TMEFF1: variants seen among roughly 807,000 people sequenced by gnomAD.
The protein encoded by TMEFF1 is transmembrane protein with EGF like and two follistatin like domains 1, also known as tomoregulin-1.
TMEFF1 carries 20 observed loss-of-function variants against 47.5 expected under a neutral mutation model. The observed-to-expected ratio is 0.42, with a 90% CI of 0.30 to 0.61. TMEFF1 has a LOEUF of 0.61. Among genes scored for constraint, TMEFF1 ranks in the 20% least tolerant of loss-of-function variants. The probability of loss-of-function intolerance (pLI) is 0.19; values close to 1 mark genes in which losing one functional copy is unlikely to be tolerated. For missense variants in TMEFF1, 411 were observed against 471.1 expected, an observed-to-expected ratio of 0.87 and a Z score of 1.18; for synonymous variants, 162 against 166.3, an observed-to-expected ratio of 0.97 and a Z score of 0.20.
intron 9 of TMEFF1, among the ~76,000 whole-genome samples, chr9:100,576,177 G>T (rs1839349214): frequency 1.3e-5 from 2 of 152,170 alleles, no homozygotes; most frequent in Non-Finnish European, 2.9e-5. Flanking sequence ...CATGTTATCA[G>T]TCACTGTGAC....
chr9:100,473,829 A>G lies in TMEFF1; in HGVS notation c.196+89A>G. The G allele has an allele frequency of 7.4e-7, 1 of 1,357,316 alleles. No homozygotes were observed. The highest frequency in any genetic ancestry group is 9.5e-7 in the Non-Finnish European group (1 of 1,048,338). 84.1% of individuals were successfully genotyped at this position (1,357,316 alleles called of 1,614,324 possible). A position where few individuals can be genotyped will look rare whatever the true frequency, so the allele number is the denominator to read the frequency against. On this transcript the variant is annotated intron_variant, in intron 1 of 9. Coordinates refer to ENST00000374879, the MANE Select transcript of TMEFF1 (RefSeq NM_003692.5). This position sits in a 1 kb window ranked among gnomAD's most constrained non-coding sequence, Gnocchi z 5.4. ...CCTGCGGTCGGCCGGGCTGGGAAAG[A>G]CCCCGTCGTGGGGGTCCCAGGGGTG...
chr9:100,485,438 A>G (rs1837430724), intron 1 of TMEFF1, among the ~76,000 whole-genome samples: 1 of 152,232 alleles, frequency 6.6e-6, no homozygotes, highest in Non-Finnish European at 1.5e-5. Context: ...TTGCCAAACT[A>G]TTGTAAATGG....
chr9:100,547,146 G>T (rs1336902455), intron 5 of TMEFF1, among the ~76,000 whole-genome samples: 1 of 152,032 alleles, frequency 6.6e-6, no homozygotes, highest in African/African-American at 2.4e-5. Context: ...CTTCCAAGTA[G>T]TGGAGACCAC....
chr9:100,540,085 G>C (rs1201587464), intron 5 of TMEFF1, among the ~76,000 whole-genome samples: 1 of 152,084 alleles, frequency 6.6e-6, no homozygotes, highest in Non-Finnish European at 1.5e-5. Context: ...CCTTTAGCTA[G>C]ACAGAAAAGT....
chr9:100,535,454 C>G (rs576294023), intron 5 of TMEFF1, among the ~76,000 whole-genome samples: 3 of 152,280 alleles, frequency 2.0e-5, no homozygotes, highest in African/African-American at 7.2e-5. Context: ...TCTCATTTTC[C>G]TTTACTAATA....
intron 8 of TMEFF1, among the ~76,000 whole-genome samples, chr9:100,568,785 C>A (rs894996744): frequency 3.9e-5 from 6 of 152,128 alleles, no homozygotes; most frequent in African/African-American, 1.4e-4. Flanking sequence ...TATAGACTTA[C>A]CTATTCTGGA....
chr9:100,473,732 A>C lies in TMEFF1; in HGVS notation c.188A>C (p.Asn63Thr). The C allele has an allele frequency of 6.5e-7, 1 of 1,528,614 alleles. No homozygotes were observed. Among genetic ancestry groups the C allele is most frequent in the Non-Finnish European group, 8.8e-7 (1 of 1,136,668 alleles). 94.7% of individuals were successfully genotyped at this position (1,528,614 alleles called of 1,614,324 possible). Residue 63 changes from asparagine (N) to threonine (T), a missense_variant, in exon 1 of 10, where the codon AAC becomes ACC. Transcript: ENST00000374879. The surrounding 1 kb of genome is among the most constrained non-coding windows in gnomAD (Gnocchi z 5.4). ...DCPGGKGKSINCSELNVRESD... is the reference protein window; with the variant it reads ...DCPGGKGKSITCSELNVRESD... ...CCCGGCGGCAAAGGCAAGAGCATCA[A>C]CTGCTCAGGTAGGACCGGTCGGAGC...
At chr9:100,570,953 TTGTC>T (rs1839227890) in intron 8 of TMEFF1, among the ~76,000 whole-genome samples, 1 of 152,168 alleles carries the variant, frequency 6.6e-6, no homozygotes, top group Non-Finnish European at 1.5e-5. Flanking sequence ...AAAATGTAAA[TTGTC>T]TGTTAAGTGT....
chr9:100,540,054 G>A (rs963776020), intron 5 of TMEFF1, among the ~76,000 whole-genome samples: 1 of 152,128 alleles, frequency 6.6e-6, no homozygotes, highest in African/African-American at 2.4e-5. Flanking sequence ...GACACAGAGT[G>A]CTGATTGGTG....
chr9:100,482,096 A>G (rs1447282961), intron 1 of TMEFF1, among the ~76,000 whole-genome samples: 3 of 151,170 alleles, frequency 2.0e-5, no homozygotes, highest in Non-Finnish European at 2.9e-5. Flanking sequence ...GTTTTTTAAA[A>G]AAGTTACATT....
chr9:100,531,522 A>C (rs1443542621), intron 5 of TMEFF1, among the ~76,000 whole-genome samples: 1 of 152,118 alleles, frequency 6.6e-6, no homozygotes, highest in African/African-American at 2.4e-5. Flanking sequence ...TAGGAATCCA[A>C]CTTACAAGGG....
intron 1 of TMEFF1, among the ~76,000 whole-genome samples, chr9:100,492,190 T>G (rs1223184119): frequency 6.6e-6 from 1 of 152,212 alleles, no homozygotes; most frequent in Non-Finnish European, 1.5e-5. Flanking sequence ...GGCCTCCTCT[T>G]TCTTGAACAA....
At chr9:100,575,051 G>A (rs1482593465) in intron 9 of TMEFF1, among the ~76,000 whole-genome samples, 1 of 152,246 alleles carries the variant, frequency 6.6e-6, no homozygotes, top group Non-Finnish European at 1.5e-5. Flanking sequence ...TCTCCTGGAG[G>A]CCTGTCTTTT....
At chr9:100,555,646 A>C (rs1340810005) in intron 7 of TMEFF1, among the ~76,000 whole-genome samples, 3 of 152,134 alleles carry the variant, frequency 2.0e-5, no homozygotes, top group African/African-American at 7.2e-5. Context: ...TATGTTACTG[A>C]GTTCATTATC....
intron 5 of TMEFF1, among the ~76,000 whole-genome samples, chr9:100,517,954 G>A (rs984843101): frequency 1.3e-5 from 2 of 152,054 alleles, no homozygotes; most frequent in African/African-American, 4.8e-5. Context: ...TTTTTCCTTA[G>A]TACTCTTCTG....
intron 2 of TMEFF1, among the ~76,000 whole-genome samples, chr9:100,500,367 A>C (rs1441890249): frequency 6.6e-6 from 1 of 152,064 alleles, no homozygotes; most frequent in Non-Finnish European, 1.5e-5. Flanking sequence ...TATTTCTTAT[A>C]ATCTGGGACT....
chr9:100,574,166 G>C (rs1274092160), intron 9 of TMEFF1, among the ~76,000 whole-genome samples: 1 of 152,196 alleles, frequency 6.6e-6, no homozygotes, highest in African/African-American at 2.4e-5. Flanking sequence ...ACTTGATTTT[G>C]TAGCAGTTTA....
chr9:100,559,750 C>T lies in TMEFF1; in HGVS notation c.776-1647C>T, dbSNP rs376573733. Among the ~76,000 whole-genome samples the T allele has an allele frequency of 2.3e-4, 35 of 152,124 alleles. 1 individual carries two copies. The South Asian group carries it at 5.0e-3, about 22-fold the overall frequency. On this transcript the variant is annotated intron_variant, in intron 7 of 9. Coordinates refer to ENST00000374879, the MANE Select transcript of TMEFF1 (RefSeq NM_003692.5). ...CCTCAGAGAGAAGAAGTGATTTGAACGAGGTCACAAAGCAGTAAAGACATT... is the reference window on the plus strand; with the variant it reads ...CCTCAGAGAGAAGAAGTGATTTGAATGAGGTCACAAAGCAGTAAAGACATT...
intron 3 of TMEFF1, among the ~76,000 whole-genome samples, chr9:100,510,760 C>T (rs2118365808): frequency 6.6e-6 from 1 of 152,174 alleles, no homozygotes; most frequent in East Asian, 1.9e-4. Context: ...CAGGTGTGAG[C>T]CATTGTACCC....
Sources: gnomAD v4.1 joint callset for allele counts (sites outside exome capture counted in the v4.1 genomes callset) on GRCh38, gnomAD v4.1.1 for gene constraint, Gnocchi (gnomAD v3.1) non-coding constraint, MANE v1.5 for transcripts, NCBI Gene and HGNC (gene_info 2026-07-23, HGNC 2026-07-21) for gene names.